The following CORIN variants were observed in gnomAD, a reference collection of about 807,000 sequenced individuals.
CORIN encodes atrial natriuretic peptide-converting enzyme.
A neutral mutation model predicts 125.3 loss-of-function variants in CORIN; 117 were observed. The ratio of observed to expected loss-of-function variants is 0.93; its 90% CI spans 0.80 to 1.09. The LOEUF is 1.09. Among genes scored for constraint, CORIN ranks in the 50% least tolerant of loss-of-function variants. CORIN has a pLI of 0.00. For missense variants in CORIN, 1,253 were observed against 1,306.7 expected (o/e 0.96, Z 0.63); for synonymous variants, 450 against 466.4 (o/e 0.96, Z 0.45).
At chr4:47,598,049 A>C (rs1053736259) in intron 21 of CORIN, among the ~76,000 whole-genome samples, 2 of 152,184 alleles carry the variant, frequency 1.3e-5, no homozygotes, top group African/African-American at 2.4e-5. Flanking sequence ...GTGCAAAATG[A>C]AAGGTGAAAA....
chr4:47,752,390 A>C (rs2109850698), intron 4 of CORIN, among the ~76,000 whole-genome samples: 1 of 152,250 alleles, frequency 6.6e-6, no homozygotes, highest in East Asian at 1.9e-4. Flanking sequence ...TTATCTGTTG[A>C]ATAAGTAAAT....
At chr4:47,643,277 T>C in intron 14 of CORIN, 21 bp from the exon 15 acceptor site, 5 of 1,578,276 alleles carry the variant, frequency 3.2e-6, no homozygotes, top group Non-Finnish European at 4.3e-6. Flanking sequence ...GAACAAAAAG[T>C]GAGAAGGAAA....
chr4:47,642,948 A>G, intron 15 of CORIN, 198 bp downstream of exon 15: 1 of 1,534,628 alleles, frequency 6.5e-7, no homozygotes, highest in Non-Finnish European at 8.7e-7. Context: ...GATATTTCAA[A>G]TAGAGAAGTA....
intron 5 of CORIN, among the ~76,000 whole-genome samples, chr4:47,721,630 G>T (rs1240621632): frequency 6.6e-6 from 1 of 152,186 alleles, no homozygotes; most frequent in East Asian, 1.9e-4. Flanking sequence ...CATCCTCTTG[G>T]GGTTACGGTT....
chr4:47,595,953 T>C, intron 21 of CORIN, 50 bp from the exon 22 acceptor site: 2 of 1,446,636 alleles, frequency 1.4e-6, no homozygotes, highest in Non-Finnish European at 1.9e-6. Context: ...AGGGCAGTAA[T>C]GTGTGTCCAT....
rs75809100 is a variant in CORIN at position 47,776,952 on chromosome 4, A to T, written c.409+9773T>A. ...AAAAAGTTGTATTTATTATAGAATT[A>T]AAATGGTATGAATTAGCAATATTAT... On this transcript the variant is annotated intron_variant, in intron 3 of 21. Transcript: ENST00000273857. Among the ~76,000 whole-genome samples the T allele has an allele frequency of 3.2e-3, 488 of 152,362 alleles. 3 individuals are homozygous for T. Among genetic ancestry groups the T allele is most frequent in the African/African-American group, 0.012 (482 of 41,600 alleles).
At chr4:47,781,019 G>GA (rs1553917759) in intron 3 of CORIN, among the ~76,000 whole-genome samples, 13 of 150,596 alleles carry the variant, frequency 8.6e-5, no homozygotes. Flanking sequence ...AATGAGGGAT[G>GA]AAAAAAAGCT....
intron 16 of CORIN, among the ~76,000 whole-genome samples, chr4:47,639,007 C>T (rs191154754): frequency 1.3e-5 from 2 of 152,264 alleles, no homozygotes; most frequent in African/African-American, 4.8e-5. Flanking sequence ...AATCAACTGC[C>T]TCTATCATGA....
Position 47,604,963 on chromosome 4 carries a change from A to G in CORIN, c.2541-1295T>C, listed in dbSNP as rs534647255. 3.9e-5 allele frequency among the ~76,000 whole-genome samples: 6 copies of G among 152,288 alleles called. 1 individual carries two copies. The East Asian group carries it at 1.2e-3, about 29-fold the overall frequency. ...CCTGGCCTCTGAGGCCCTACACCAT[A>G]TGTTCATTCTCAACCCAAGGACTTT... On this transcript the variant is annotated intron_variant, in intron 19 of 21. Coordinates refer to ENST00000273857, the MANE Select transcript of CORIN (RefSeq NM_006587.4).
Position 47,692,991 on chromosome 4 carries a change from A to G in CORIN, c.892T>C (p.Trp298Arg). 1.2e-6 allele frequency: 2 copies of G among 1,613,736 alleles called. No individual in the cohort carries two copies. The highest frequency in any genetic ancestry group is 1.7e-6 in the Non-Finnish European group (2 of 1,179,668). Residue 298 changes from tryptophan to arginine, a missense_variant, in exon 6 of 22, where the codon TGG (tryptophan) becomes CGG (arginine). Physicochemically the swap from Trp to Arg is moderately radical, Grantham distance 101. Coordinates refer to ENST00000273857, the MANE Select transcript of CORIN (RefSeq NM_006587.4). ...ATACTGCAATGAGCCTCGTCACTCC[A>G]GTCGTCACAGTCGTTGTAGCCATTA... ...QCNGYNDCDDWSDEAHCNCSE... is the reference protein window; with the variant it reads ...QCNGYNDCDDRSDEAHCNCSE...
intron 5 of CORIN, among the ~76,000 whole-genome samples, chr4:47,736,567 T>C (rs1005056030): frequency 3.9e-5 from 6 of 152,228 alleles, no homozygotes; most frequent in Admixed American, 6.5e-5. Flanking sequence ...GGGGGTTTGT[T>C]GTACAGATCA....
intron 1 of CORIN, among the ~76,000 whole-genome samples, chr4:47,823,476 G>T (rs910714748): frequency 6.6e-6 from 1 of 152,146 alleles, no homozygotes; most frequent in African/African-American, 2.4e-5. Flanking sequence ...GGGTGGTGTT[G>T]TTCCCAGTTT....
chr4:47,746,857 C>T (rs1190694337), intron 4 of CORIN, among the ~76,000 whole-genome samples: 1 of 152,130 alleles, frequency 6.6e-6, no homozygotes, highest in African/African-American at 2.4e-5. Context: ...TTGATATGCA[C>T]TTTGTGAGTG....
intron 16 of CORIN, among the ~76,000 whole-genome samples, chr4:47,634,084 G>A (rs962528395): frequency 6.6e-6 from 1 of 152,156 alleles, no homozygotes; most frequent in Non-Finnish European, 1.5e-5. Context: ...GTATCAAAAA[G>A]TGGAAATGTA....
At chr4:47,703,308 G>A (rs538786855) in intron 5 of CORIN, among the ~76,000 whole-genome samples, 27 of 152,218 alleles carry the variant, frequency 1.8e-4, no homozygotes, top group African/African-American at 6.5e-4. Context: ...AGCTACTTCT[G>A]AACATCTGAC....
chr4:47,613,400 C>G (rs910570950), intron 19 of CORIN, among the ~76,000 whole-genome samples: 3 of 152,128 alleles, frequency 2.0e-5, no homozygotes, highest in African/African-American at 7.2e-5. Flanking sequence ...TTTCAGTGAG[C>G]CGAGACCGTG....
chr4:47,759,848 T>G (rs1729363122), intron 4 of CORIN, among the ~76,000 whole-genome samples: 1 of 152,234 alleles, frequency 6.6e-6, no homozygotes, highest in South Asian at 2.1e-4. Context: ...TTCAGTCACA[T>G]CTTTAGGCTC....
chr4:47,803,730 T>C (rs746058848), intron 2 of CORIN, among the ~76,000 whole-genome samples: 1 of 152,226 alleles, frequency 6.6e-6, no homozygotes, highest in Non-Finnish European at 1.5e-5. Flanking sequence ...GACTTAAATA[T>C]AAGACTTCAA....
At chr4:47,680,054 G>C in intron 8 of CORIN, 87 bp downstream of exon 8, 1 of 789,504 alleles carries the variant, frequency 1.3e-6, no homozygotes, top group Non-Finnish European at 2.2e-6. Flanking sequence ...TATATAGTGA[G>C]TCTTAAGTAC....
Sources: allele counts gnomAD v4.1 joint callset (sites outside exome capture counted in the v4.1 genomes callset), GRCh38; gene constraint gnomAD v4.1.1; transcripts MANE v1.5; gene names NCBI Gene and HGNC (gene_info 2026-07-23, HGNC 2026-07-21).